Variants in TM7SF3 observed in about 807,000 individuals in gnomAD.
The protein encoded by TM7SF3 is seven span transmembrane protein.
Under a neutral mutation model 65.5 loss-of-function variants are expected in TM7SF3, and 60 were observed. The observed-to-expected ratio is 0.92, with a 90% CI of 0.74 to 1.14. TM7SF3 has a LOEUF of 1.14. TM7SF3 is among the 50% of genes most tolerant of loss of function. TM7SF3 has a pLI of 0.00. For synonymous variants in TM7SF3, 264 were observed against 259.6 expected (o/e 1.02, Z -0.16); for missense variants, 623 against 684.8 (o/e 0.91, Z 1.01).
At position 26,974,008 on chromosome 12, in the gene TM7SF3, T is replaced by C. The variant is rs1565862680; in HGVS notation, c.1670A>G (p.Gln557Arg). The change falls in exon 12 of 12, where the codon CAG (glutamine) becomes CGG (arginine). Residue 557 changes from glutamine to arginine, a missense_variant. Physicochemically the swap from Gln to Arg is conservative, Grantham distance 43. Coordinates refer to ENST00000343028, the MANE Select transcript of TM7SF3 (RefSeq NM_016551.3). ...GRLTQIKGLFQKEQPAGERTP... is the reference protein window; with the variant it reads ...GRLTQIKGLFRKEQPAGERTP... ...TCTCTCTCCAGCTGGCTGCTCCTTC[T>C]GGAAGAGCCCTTTAATCTGGGTTAA... The C allele has an allele frequency of 1.9e-6, 3 of 1,614,232 alleles. No homozygotes were observed. Among genetic ancestry groups the C allele is most frequent in the South Asian group, 2.2e-5 (2 of 91,084 alleles).
At chr12:27,006,364 C>T (rs765738467) in intron 1 of TM7SF3, among the ~76,000 whole-genome samples, 1 of 151,516 alleles carries the variant, frequency 6.6e-6, no homozygotes, top group Non-Finnish European at 1.5e-5. Flanking sequence ...GTCTCAATCT[C>T]TTGACCTCGT....
chr12:27,004,277 C>T (rs1278691519), intron 1 of TM7SF3, among the ~76,000 whole-genome samples: 1 of 152,048 alleles, frequency 6.6e-6, no homozygotes, highest in South Asian at 2.1e-4. Context: ...GGATTCCTAC[C>T]CCACCCCCCA....
At position 26,976,350 on chromosome 12, in the gene TM7SF3, T is replaced by C. The variant is rs1014894942; in HGVS notation, c.1197A>G (p.Leu399=). The change falls in exon 10 of 12, where the codon CTA becomes CTG. Residue 399 remains leucine (L), a synonymous_variant. Coordinates refer to ENST00000343028, the MANE Select transcript of TM7SF3 (RefSeq NM_016551.3). The part of the protein sequence containing the change: ...SVTFFTPLGN[L]KIFHDDGVFW... ...ATACACCATCATCATGAAAAATCTTTAGGTTTCCTGAAAAAGCAAAAAGAA... is the reference window on the plus strand; with the variant it reads ...ATACACCATCATCATGAAAAATCTTCAGGTTTCCTGAAAAAGCAAAAAGAA... The C allele has an allele frequency of 6.2e-7, 1 of 1,613,232 alleles. No individual in the cohort carries two copies. The highest frequency in any genetic ancestry group is 1.7e-5 in the Admixed American group (1 of 59,976).
intron 11 of TM7SF3, 75 bp downstream of exon 11, chr12:26,975,421 A>G (rs1219760259): frequency 4.4e-5 from 66 of 1,494,004 alleles, no homozygotes; most frequent in Non-Finnish European, 5.7e-5. Flanking sequence ...TTAGTTTCCA[A>G]GTGCTCTGGT....
At chr12:27,004,640 T>G (rs1592312734) in intron 1 of TM7SF3, among the ~76,000 whole-genome samples, 1 of 151,886 alleles carries the variant, frequency 6.6e-6, no homozygotes, top group Non-Finnish European at 1.5e-5. Flanking sequence ...AAATCAAGAA[T>G]GAGTAGCCTG....
chr12:27,008,558 C>T (rs1941128478), intron 1 of TM7SF3, among the ~76,000 whole-genome samples: 1 of 152,062 alleles, frequency 6.6e-6, no homozygotes, highest in African/African-American at 2.4e-5. Context: ...TGATTAGTCC[C>T]TTTTGTGTCA....
In TM7SF3 at chr12:26,999,598, T is replaced by C; in HGVS notation, c.325A>G (p.Thr109Ala). 3 of 1,614,038 alleles carry C rather than the reference T, an allele frequency of 1.9e-6. No individual in the cohort carries two copies. Among genetic ancestry groups the C allele is most frequent in the Non-Finnish European group, 2.5e-6 (3 of 1,179,934 alleles). Reference protein sequence around the residue: ...FILRPEQSTCTWYLGTSGIQP... With the variant: ...FILRPEQSTCAWYLGTSGIQP... ...ATGCCTGAAGTCCCCAAGTACCAAG[T>C]GCATGTACTCTGCTCTGGTCTAAGG... Residue 109 changes from threonine to alanine, a missense_variant, in exon 3 of 12, where the codon ACT becomes GCT. Transcript: ENST00000343028.
intron 9 of TM7SF3, chr12:26,978,183 A>T (rs1455903775): frequency 3.1e-6 from 1 of 322,894 alleles, no homozygotes; most frequent in African/African-American, 2.2e-5. Context: ...GTTCATAAAC[A>T]AACATATATA....
chr12:27,005,355 A>G (rs189560209), intron 1 of TM7SF3, among the ~76,000 whole-genome samples: 6 of 152,298 alleles, frequency 3.9e-5, no homozygotes, highest in Admixed American at 3.9e-4. Flanking sequence ...TTTATAAGGT[A>G]CTCATGGACT....
intron 6 of TM7SF3, chr12:26,983,691 C>T: frequency 2.8e-6 from 1 of 363,590 alleles, no homozygotes; most frequent in Non-Finnish European, 5.6e-6. Context: ...AAAATTTAAA[C>T]CGAAACTCAC....
chr12:27,003,093 C>T, intron 2 of TM7SF3, 143 bp downstream of exon 2: 2 of 641,736 alleles, frequency 3.1e-6, no homozygotes, highest in Non-Finnish European at 5.1e-6. Flanking sequence ...AACTTGAAAA[C>T]ATCCTATCTT....
intron 1 of TM7SF3, among the ~76,000 whole-genome samples, chr12:27,004,221 C>T (rs1420322476): frequency 6.6e-6 from 1 of 152,120 alleles, no homozygotes; most frequent in Non-Finnish European, 1.5e-5. Flanking sequence ...CAATCTAACT[C>T]TCAAATAATC....
Position 26,974,237 on chromosome 12 carries a change from A to G in TM7SF3, c.1451-10T>C, listed in dbSNP as rs1418991265. 3 of 1,610,878 alleles carry G rather than the reference A, an allele frequency of 1.9e-6. No homozygotes were observed. Among genetic ancestry groups the G allele is most frequent in the Admixed American group, 3.4e-5 (2 of 59,502 alleles). ...GCCAGGATAATGAAGTCTAAAAAAC[A>G]GTAGAAAAAGTACAGTTTGAACTCT... On this transcript the variant is annotated splice_polypyrimidine_tract_variant and intron_variant, in intron 11 of 11. Transcript: ENST00000343028.
intron 1 of TM7SF3, among the ~76,000 whole-genome samples, chr12:27,009,763 C>A (rs539456602): frequency 2.8e-4 from 43 of 152,284 alleles, no homozygotes; most frequent in African/African-American, 9.9e-4. Context: ...ATAAAAAGTT[C>A]TCCATGTAAT....
At position 26,974,166 on chromosome 12, in the gene TM7SF3, T is replaced by C. The variant is rs1411862068; in HGVS notation, c.1512A>G (p.Arg504=). 6.2e-7 allele frequency: 1 copy of C among 1,614,162 alleles called. No individual in the cohort carries two copies. Among genetic ancestry groups the C allele is most frequent in the Admixed American group, 1.7e-5 (1 of 60,026 alleles). The part of the protein sequence containing the change: ...LAVSGITLQI[R]RERGRPFFPP... ...GGAAGAACGGTCGTCCTCTCTCTCT[T>C]CGAATCTGTAACGTAATTCCACTTA... Residue 504 remains arginine (R), a synonymous_variant, in exon 12 of 12, where the codon CGA becomes CGG. Transcript: ENST00000343028.
At chr12:26,994,050 A>G (rs1445101495) in intron 5 of TM7SF3, among the ~76,000 whole-genome samples, 4 of 152,202 alleles carry the variant, frequency 2.6e-5, no homozygotes, top group African/African-American at 9.7e-5. Context: ...GTTTCCCCAC[A>G]TTCTGGTACA....
intron 3 of TM7SF3, among the ~76,000 whole-genome samples, chr12:26,997,823 CTT>C (rs3071165): frequency 3.7e-4 from 42 of 114,040 alleles, no homozygotes; most frequent in East Asian, 6.1e-4. Context: ...TTACCACTTC[CTT>C]TTTTTTTTTT....
At chr12:26,980,437 T>C in intron 8 of TM7SF3, 129 bp downstream of exon 8, 2 of 648,610 alleles carry the variant, frequency 3.1e-6, no homozygotes, top group Non-Finnish European at 5.4e-6. Flanking sequence ...AGAGACTAGA[T>C]GGACCATTAT....
intron 1 of TM7SF3, among the ~76,000 whole-genome samples, chr12:27,006,284 T>A (rs774916645): frequency 1.3e-5 from 2 of 151,656 alleles, no homozygotes; most frequent in African/African-American, 2.4e-5. Flanking sequence ...ATTACAGGCA[T>A]GTGCCACCAC....
Sources: allele counts gnomAD v4.1 joint callset (sites outside exome capture counted in the v4.1 genomes callset), GRCh38; gene constraint gnomAD v4.1.1; transcripts MANE v1.5; gene names NCBI Gene and HGNC (gene_info 2026-07-23, HGNC 2026-07-21).